Variants in TSPAN9 observed in about 807,000 individuals in gnomAD.
The protein encoded by TSPAN9 is tetraspanin-9.
TSPAN9 carries 16 observed loss-of-function variants against 31.0 expected under a neutral mutation model. The ratio of observed to expected loss-of-function variants is 0.52; its 90% confidence interval spans 0.35 to 0.78. The LOEUF (loss-of-function observed/expected upper bound fraction) is 0.78. TSPAN9 is among the 30% of genes least tolerant of loss of function. TSPAN9 has a pLI of 0.01. For synonymous variants in TSPAN9, 145 were observed against 121.6 expected, an observed-to-expected ratio of 1.19 and a Z score of -1.27; for missense variants, 272 against 312.5, an observed-to-expected ratio of 0.87 and a Z score of 0.98.
intron 2 of TSPAN9, among the ~76,000 whole-genome samples, chr12:3,177,124 A>G (rs1325893550): frequency 6.6e-6 from 1 of 152,164 alleles, no homozygotes; most frequent in Non-Finnish European, 1.5e-5. Flanking sequence ...TTAAGCTGAT[A>G]GGTATTTTGT....
At chr12:3,120,750 ATCAG>A (rs1204858718) in intron 2 of TSPAN9, among the ~76,000 whole-genome samples, 63 of 152,350 alleles carry the variant, frequency 4.1e-4, no homozygotes, top group African/African-American at 1.4e-3. Flanking sequence ...ATTGCCGCTG[ATCAG>A]TCAGTCAGTT....
At chr12:3,189,672 G>C (rs954734357) in intron 2 of TSPAN9, among the ~76,000 whole-genome samples, 2 of 152,186 alleles carry the variant, frequency 1.3e-5, no homozygotes, top group Non-Finnish European at 2.9e-5. Flanking sequence ...TTCACCTCAA[G>C]TACCTTGAAA....
intron 2 of TSPAN9, among the ~76,000 whole-genome samples, chr12:3,088,140 T>C (rs1159595084): frequency 6.6e-6 from 1 of 152,246 alleles, no homozygotes. Context: ...ACATGTTTTG[T>C]TTTAGAGAAA....
chr12:3,243,908 G>A (rs1041755423), intron 3 of TSPAN9, among the ~76,000 whole-genome samples: 1 of 152,196 alleles, frequency 6.6e-6, no homozygotes, highest in East Asian at 1.9e-4. Flanking sequence ...GTCATCCTGG[G>A]GTTCTGCTGC....
intron 2 of TSPAN9, among the ~76,000 whole-genome samples, chr12:3,109,927 C>T (rs978452748): frequency 7.2e-5 from 11 of 151,986 alleles, no homozygotes; most frequent in Non-Finnish European, 1.2e-4. Flanking sequence ...CTTGTGAAAG[C>T]TGAATCCTAA....
chr12:3,182,542 A>G (rs1025186043), intron 2 of TSPAN9, among the ~76,000 whole-genome samples: 1 of 151,002 alleles, frequency 6.6e-6, no homozygotes, highest in East Asian at 1.9e-4. Context: ...CCATTCATTC[A>G]TTCAACAGTG....
intron 2 of TSPAN9, among the ~76,000 whole-genome samples, chr12:3,131,142 A>G (rs1170981186): frequency 6.6e-6 from 1 of 151,788 alleles, no homozygotes; most frequent in Non-Finnish European, 1.5e-5. Flanking sequence ...AAAAAAAAAG[A>G]AACCGGATGT....
intron 3 of TSPAN9, among the ~76,000 whole-genome samples, chr12:3,251,408 G>A (rs770777875): frequency 2.0e-5 from 3 of 147,308 alleles, no homozygotes; most frequent in Non-Finnish European, 2.9e-5. Context: ...GGCAGATCTC[G>A]ACTAATGATG....
intron 2 of TSPAN9, among the ~76,000 whole-genome samples, chr12:3,179,586 T>C (rs1030765037): frequency 6.6e-6 from 1 of 152,196 alleles, no homozygotes; most frequent in Non-Finnish European, 1.5e-5. Context: ...GGGTAAGATA[T>C]TGGCTTGGTT....
Position 3,280,357 on chromosome 12 carries a change from C to A in TSPAN9, c.331-25C>A. The A allele has an allele frequency of 6.2e-7, 1 of 1,608,366 alleles. No individual in the cohort carries two copies. The highest frequency in any genetic ancestry group is 8.5e-7 in the Non-Finnish European group (1 of 1,177,522). ...CGAGCTGCGTCCTGGTTCCAACCGT[C>A]TCACTGTGTCCCTCCGCCTGGCAGG... On this transcript the variant is annotated intron_variant, in intron 5 of 8. Transcript: ENST00000011898. This position sits in a 1 kb window ranked among gnomAD's most constrained non-coding sequence, Gnocchi z 4.5.
At chr12:3,089,089 G>A (rs995702126) in intron 2 of TSPAN9, among the ~76,000 whole-genome samples, 1 of 151,514 alleles carries the variant, frequency 6.6e-6, no homozygotes, top group Non-Finnish European at 1.5e-5. Context: ...AAAATTAGCC[G>A]GGCGTGGTGG....
intron 3 of TSPAN9, among the ~76,000 whole-genome samples, chr12:3,221,591 T>G (rs2098384640): frequency 6.6e-6 from 1 of 152,190 alleles, no homozygotes; most frequent in African/African-American, 2.4e-5. Flanking sequence ...ACTCCTGACC[T>G]CAGGTGATCC....
intron 2 of TSPAN9, among the ~76,000 whole-genome samples, chr12:3,165,588 C>T (rs1489036630): frequency 1.3e-5 from 2 of 152,130 alleles, no homozygotes; most frequent in Non-Finnish European, 2.9e-5. Flanking sequence ...TGTTTCTCCC[C>T]ATTGTACAGA....
chr12:3,222,203 G>A (rs766767479), intron 3 of TSPAN9, among the ~76,000 whole-genome samples: 3 of 152,142 alleles, frequency 2.0e-5, no homozygotes, highest in African/African-American at 4.8e-5. Context: ...CATGCAGAAG[G>A]GGGGGACGTG....
chr12:3,200,603 A>G (rs2098370963), intron 2 of TSPAN9: 3 of 152,326 alleles, frequency 2.0e-5, no homozygotes, highest in South Asian at 2.1e-4. Flanking sequence ...ACGGCCTGGA[A>G]AGAGAAATCA....
chr12:3,124,838 G>T (rs1438971935), intron 2 of TSPAN9: 1 of 152,090 alleles, frequency 6.6e-6, no homozygotes, highest in African/African-American at 2.4e-5. Context: ...CAGGAGGATC[G>T]CTTGAGCCCA....
rs1356524703 is a variant in TSPAN9, at chr12:3,283,196, C to G, written c.*80C>G. Reference sequence around the variant, plus strand: ...TTGAGCTTTGTGTCACCTGCCTGCGCTCTCCAGATATGACCCCTGCACCCA... The same window carrying G: ...TTGAGCTTTGTGTCACCTGCCTGCGGTCTCCAGATATGACCCCTGCACCCA... On this transcript the variant is annotated 3_prime_UTR_variant, in exon 9 of 9. Coordinates refer to ENST00000011898, the MANE Select transcript of TSPAN9 (RefSeq NM_006675.5). 1.3e-6 allele frequency: 2 copies of G among 1,488,524 alleles called. No homozygotes were observed. Among genetic ancestry groups the G allele is most frequent in the African/African-American group, 1.4e-5 (1 of 72,652 alleles). 92.2% of individuals were successfully genotyped at this position (1,488,524 alleles called of 1,614,324 possible).
Position 3,157,538 on chromosome 12 carries a change from T to A in TSPAN9, c.-17-43639T>A, listed in dbSNP as rs190659099. ...TCTGTAAAATGGGGAGACCAATGCT[T>A]GCCTCACTGGGTATTTTGTAAGGGA... On this transcript the variant is annotated intron_variant, in intron 2 of 8. Transcript: ENST00000011898. 1.0e-4 allele frequency among the ~76,000 whole-genome samples: 16 copies of A among 152,400 alleles called. No individual in the cohort carries two copies. In the East Asian group the frequency reaches 2.9e-3, roughly 28 times the overall value.
chr12:3,085,490 G>C (rs1483820580), intron 2 of TSPAN9, among the ~76,000 whole-genome samples: 1 of 152,084 alleles, frequency 6.6e-6, no homozygotes, highest in Non-Finnish European at 1.5e-5. Flanking sequence ...ACAGGACGTT[G>C]ATCCTCTCTG....
Sources: gnomAD v4.1 joint callset for allele counts (sites outside exome capture counted in the v4.1 genomes callset) on GRCh38, gnomAD v4.1.1 for gene constraint, Gnocchi (gnomAD v3.1) non-coding constraint, MANE v1.5 for transcripts, NCBI Gene and HGNC (gene_info 2026-07-23, HGNC 2026-07-21) for gene names.